PPP6R2: variants seen among roughly 807,000 people sequenced by gnomAD.
PPP6R2 encodes serine/threonine-protein phosphatase 6 regulatory subunit 2.
Under a neutral mutation model 100.2 loss-of-function variants are expected in PPP6R2, and 62 were observed. The ratio of observed to expected loss-of-function variants is 0.62; its 90% CI spans 0.50 to 0.76. PPP6R2 has a LOEUF of 0.76. PPP6R2 is among the 30% of genes least tolerant of loss of function. The pLI, the probability that PPP6R2 is intolerant of heterozygous loss-of-function variation, is 0.00. For synonymous variants in PPP6R2, 525 were observed against 514.7 expected (o/e 1.02, Z -0.27); for missense variants, 1,142 against 1,276.3 (o/e 0.89, Z 1.60).
intron 1 of PPP6R2, among the ~76,000 whole-genome samples, chr22:50,354,564 A>G (rs952912646): frequency 6.6e-6 from 1 of 150,768 alleles, no homozygotes; most frequent in Non-Finnish European, 1.5e-5. Flanking sequence ...GGCGCCTCAC[A>G]CCTGTAATCC....
At chr22:50,399,378 A>G (rs2057665373) in intron 3 of PPP6R2, among the ~76,000 whole-genome samples, 1 of 152,234 alleles carries the variant, frequency 6.6e-6, no homozygotes, top group Non-Finnish European at 1.5e-5. Context: ...TAGTAAACAA[A>G]TGGATGGGGC....
intron 1 of PPP6R2, among the ~76,000 whole-genome samples, chr22:50,347,589 T>C (rs2147989130): frequency 6.6e-6 from 1 of 152,236 alleles, no homozygotes; most frequent in South Asian, 2.1e-4. Flanking sequence ...TCCACTCTCT[T>C]GTTACTGACT....
At chr22:50,342,404 G>C (rs1021029281), upstream of PPP6R2, among the ~76,000 whole-genome samples, 1 of 152,244 alleles carries the variant, frequency 6.6e-6, no homozygotes, top group Non-Finnish European at 1.5e-5. Context: ...TGCTGACCAG[G>C]GCAGGGGACA....
At chr22:50,416,323 AT>A (rs11331065) in intron 6 of PPP6R2, among the ~76,000 whole-genome samples, 166 bp downstream of exon 6, 49,350 of 147,472 alleles carry the variant, frequency 0.33, 8,691 homozygotes, top group East Asian at 0.67. Context: ...TCTAGGCTGG[AT>A]TTTTTTTTTC....
At chr22:50,441,103 T>C in intron 22 of PPP6R2, 77 bp downstream of exon 22, 1 of 1,262,992 alleles carries the variant, frequency 7.9e-7, no homozygotes, top group South Asian at 1.5e-5. Flanking sequence ...AGGTCTCAGC[T>C]CCCCTGAGAG....
In PPP6R2 at chr22:50,441,046, G is replaced by GGCGGGC. The variant is rs1310560775; in HGVS notation, c.2579+21_2579+26dup. 1 of 1,527,136 alleles carries GGCGGGC rather than the reference G, an allele frequency of 6.5e-7. No individual in the cohort carries two copies. Among genetic ancestry groups the GGCGGGC allele is most frequent in the South Asian group, 1.2e-5 (1 of 83,038 alleles). The allele number at this position is 1,527,136 out of a possible 1,614,324, so 94.6% of individuals were successfully genotyped here. A position where few individuals can be genotyped will look rare whatever the true frequency, so the allele number is the denominator to read the frequency against. On this transcript the variant is annotated intron_variant, in intron 22 of 23. Coordinates refer to ENST00000612753, the MANE Select transcript of PPP6R2 (RefSeq NM_001242898.2). ...CGGCAGGTGTGTGGGGCGTGGCGGGGGCGGGCCTGCCGGGTGCATAGGGCG... is the reference window on the plus strand; with the variant it reads ...CGGCAGGTGTGTGGGGCGTGGCGGGGGCGGGCGCGGGCCTGCCGGGTGCATAGGGCG...
chr22:50,442,142 A>G (rs890847439), intron 22 of PPP6R2, among the ~76,000 whole-genome samples: 3 of 152,182 alleles, frequency 2.0e-5, no homozygotes, highest in Non-Finnish European at 4.4e-5. Context: ...TCACCGCCCA[A>G]TGCAGCTCAG....
chr22:50,372,401 T>C (rs781692556), intron 2 of PPP6R2, among the ~76,000 whole-genome samples: 5 of 151,798 alleles, frequency 3.3e-5, no homozygotes, highest in Admixed American at 6.6e-5. Context: ...ATACAAAAAT[T>C]AGCTGGGCAT....
chr22:50,431,349 C>T lies in PPP6R2; in HGVS notation c.1302C>T (p.Ala434=), dbSNP rs768276251. The T allele has an allele frequency of 1.2e-4, 197 of 1,612,806 alleles. No individual in the cohort carries two copies. The highest frequency in any genetic ancestry group is 1.2e-3 in the Admixed American group (69 of 59,994). ...GNRSLETPQP[A]ASLPDNTMVT... is the part of the protein sequence containing the mutation. Reference sequence around the variant, plus strand: ...GGAGCCTGGAGACTCCCCAGCCGGCCGCCAGCCTCCCTGACAACACAATGG... The same window carrying T: ...GGAGCCTGGAGACTCCCCAGCCGGCTGCCAGCCTCCCTGACAACACAATGG... Residue 434 remains alanine (A), a synonymous_variant, in exon 11 of 24, where the codon GCC becomes GCT. Transcript: ENST00000612753. The surrounding 1 kb of genome is among the most constrained non-coding windows in gnomAD (Gnocchi z 4.8).
chr22:50,427,521 C>A (rs762403326), intron 10 of PPP6R2, among the ~76,000 whole-genome samples: 2 of 152,164 alleles, frequency 1.3e-5, no homozygotes, highest in Admixed American at 6.5e-5. Flanking sequence ...AGTCTTCAAT[C>A]CATGAACACA....
intron 3 of PPP6R2, among the ~76,000 whole-genome samples, chr22:50,396,909 C>T (rs1024288164): frequency 2.0e-5 from 3 of 152,168 alleles, no homozygotes; most frequent in Admixed American, 2.0e-4. Flanking sequence ...CTTCTGGTCA[C>T]ACCTGCTGTG....
At chr22:50,414,910 C>T (rs2060312231) in intron 5 of PPP6R2, among the ~76,000 whole-genome samples, 1 of 152,242 alleles carries the variant, frequency 6.6e-6, no homozygotes, top group Non-Finnish European at 1.5e-5. Flanking sequence ...AGAGAGGTCC[C>T]TTCTCCCCGC....
intron 1 of PPP6R2, among the ~76,000 whole-genome samples, chr22:50,369,104 G>C (rs563585154): frequency 6.6e-6 from 1 of 152,118 alleles, no homozygotes; most frequent in East Asian, 1.9e-4. Context: ...TGGGTGTGGT[G>C]GTGCGTGCCT....
chr22:50,419,298 T>G (rs1569462139), intron 7 of PPP6R2, 51 bp from the exon 8 acceptor site: 7 of 1,481,334 alleles, frequency 4.7e-6, no homozygotes, highest in Non-Finnish European at 6.6e-6. Context: ...CTTGCATCCT[T>G]TGTGTGTGTG....
chr22:50,419,703 G>A (rs1310621830), intron 8 of PPP6R2, among the ~76,000 whole-genome samples: 2 of 152,242 alleles, frequency 1.3e-5, no homozygotes, highest in African/African-American at 2.4e-5. Flanking sequence ...ACCAGTTGGC[G>A]ATGCATTTGT....
chr22:50,420,874 G>A (rs1282982846), intron 8 of PPP6R2, among the ~76,000 whole-genome samples: 3 of 152,224 alleles, frequency 2.0e-5, no homozygotes, highest in African/African-American at 7.2e-5. Context: ...GATGTCTCAG[G>A]ACGTTTCCGT....
At position 50,437,708 on chromosome 22, in the gene PPP6R2, C is replaced by T. The variant is rs752053259; in HGVS notation, c.1781+105C>T. On this transcript the variant is annotated intron_variant, in intron 16 of 23. Coordinates refer to ENST00000612753, the MANE Select transcript of PPP6R2 (RefSeq NM_001242898.2). ...TCTTGCCGGGAGTGCCGTCTGATGT[C>T]CCCGGGAGACAGCAGGTGTTCCCAG... 5.0e-6 allele frequency: 7 copies of T among 1,388,754 alleles called. No individual in the cohort carries two copies. In the African/African-American group the frequency reaches 5.7e-5, roughly 11 times the overall value. The allele number at this position is 1,388,754 out of a possible 1,614,324, so 86.0% of individuals were successfully genotyped here.
rs73172214 is a variant in PPP6R2, at chr22:50,429,870, A to C, written c.1126-1303A>C. 3.4e-3 allele frequency among the ~76,000 whole-genome samples: 524 copies of C among 152,336 alleles called. 1 individual carries two copies. The highest frequency in any genetic ancestry group is 5.6e-3 in the Non-Finnish European group (378 of 68,020). ...AGGTTGCTCAAGGTCACATGGGCAG[A>C]GAAGGTGAAGCCAGGATTTAGGACT... On this transcript the variant is annotated intron_variant, in intron 10 of 23. Coordinates refer to ENST00000612753, the MANE Select transcript of PPP6R2 (RefSeq NM_001242898.2).
At chr22:50,394,491 C>T (rs570956337) in intron 3 of PPP6R2, among the ~76,000 whole-genome samples, 8 of 149,944 alleles carry the variant, frequency 5.3e-5, no homozygotes, top group Non-Finnish European at 1.0e-4. Flanking sequence ...TCCAGCTACT[C>T]GGGAGGCCGA....
Sources: gnomAD v4.1 joint callset for allele counts (sites outside exome capture counted in the v4.1 genomes callset) on GRCh38, gnomAD v4.1.1 for gene constraint, Gnocchi (gnomAD v3.1) non-coding constraint, MANE v1.5 for transcripts, NCBI Gene and HGNC (gene_info 2026-07-23, HGNC 2026-07-21) for gene names.